Variants in NLGN1 observed in about 807,000 individuals in gnomAD.
NLGN1 encodes neuroligin-1.
In NLGN1, 12 loss-of-function variants were observed where a neutral mutation model predicts 65.5. The observed-to-expected ratio is 0.18, with a 90% CI of 0.12 to 0.30. NLGN1 has a LOEUF of 0.30. Ranked by LOEUF, NLGN1 falls within the 10% of genes least tolerant of loss-of-function variation. NLGN1 has a pLI of 1.00. For missense variants in NLGN1, 750 were observed against 1,007.1 expected, an observed-to-expected ratio of 0.74 and a Z score of 3.46; for synonymous variants, 350 against 359.5, an observed-to-expected ratio of 0.97 and a Z score of 0.30.
intron 4 of NLGN1, among the ~76,000 whole-genome samples, chr3:173,857,352 C>A (rs921114044): frequency 6.6e-6 from 1 of 152,128 alleles, no homozygotes; most frequent in African/African-American, 2.4e-5. Context: ...TCCCTCTATG[C>A]TGTAAATATC....
chr3:173,634,463 CT>C (rs1756258005), intron 3 of NLGN1, among the ~76,000 whole-genome samples: 1 of 151,904 alleles, frequency 6.6e-6, no homozygotes, highest in South Asian at 2.1e-4. Flanking sequence ...ACATAATTTA[CT>C]TTTTTACAAA....
intron 4 of NLGN1, among the ~76,000 whole-genome samples, chr3:173,977,494 G>A (rs1305325494): frequency 3.9e-5 from 6 of 151,986 alleles, no homozygotes; most frequent in South Asian, 2.1e-4. Flanking sequence ...TGTACAATAC[G>A]TTAAGGAGTT....
intron 4 of NLGN1, among the ~76,000 whole-genome samples, chr3:174,031,624 T>C (rs1730044672): frequency 6.6e-6 from 1 of 152,150 alleles, no homozygotes; most frequent in Admixed American, 6.5e-5. Context: ...TTAAGACCTC[T>C]TAAAAATTTT....
intron 3 of NLGN1, among the ~76,000 whole-genome samples, chr3:173,642,670 T>G (rs1757602453): frequency 6.6e-6 from 1 of 152,158 alleles, no homozygotes; most frequent in African/African-American, 2.4e-5. Flanking sequence ...TTAACACTTC[T>G]TAAAGCAAGA....
intron 3 of NLGN1, among the ~76,000 whole-genome samples, chr3:173,661,413 T>C (rs954683548): frequency 1.3e-5 from 2 of 151,974 alleles, no homozygotes; most frequent in Non-Finnish European, 2.9e-5. Flanking sequence ...TGGATTTGAC[T>C]GTACATCTGT....
chr3:173,538,093 G>A (rs1477168949), intron 2 of NLGN1, among the ~76,000 whole-genome samples: 1 of 152,300 alleles, frequency 6.6e-6, no homozygotes, highest in Non-Finnish European at 1.5e-5. Context: ...AAGCAAAAAT[G>A]TTGTAAGTGG....
chr3:174,006,532 C>T (rs1579718085), intron 4 of NLGN1, among the ~76,000 whole-genome samples: 2 of 152,056 alleles, frequency 1.3e-5, no homozygotes, highest in African/African-American at 4.8e-5. Context: ...AATCAGAGCT[C>T]GAATTCTCTG....
intron 4 of NLGN1, among the ~76,000 whole-genome samples, chr3:174,150,627 A>G (rs1367347691): frequency 6.6e-6 from 1 of 152,156 alleles, no homozygotes; most frequent in Non-Finnish European, 1.5e-5. Flanking sequence ...ATAAGAAACC[A>G]TATGAATACT....
In NLGN1 at chr3:174,152,699, T is replaced by C. The variant is rs143450703; in HGVS notation, c.647-122616T>C. 4.7e-3 allele frequency among the ~76,000 whole-genome samples: 709 copies of C among 152,124 alleles called. 4 individuals carry two copies. The highest frequency in any genetic ancestry group is 0.017 in the African/African-American group (688 of 41,542). On this transcript the variant is annotated intron_variant, in intron 4 of 6. Transcript: ENST00000457714. The stretch of plus-strand genomic sequence containing the variant: ...AATAGTACTTTGCTTATTAAACATA[T>C]TAGGTTTAAAGGACATATCATTTAG...
intron 2 of NLGN1, among the ~76,000 whole-genome samples, chr3:173,515,660 G>T (rs145695131): frequency 2.0e-5 from 3 of 152,042 alleles, no homozygotes; most frequent in South Asian, 2.1e-4. Context: ...GTTGATTTTT[G>T]TGTGATAGAA....
intron 4 of NLGN1, among the ~76,000 whole-genome samples, chr3:174,274,074 AAG>A (rs138414143): frequency 0.031 from 4,700 of 151,782 alleles, 195 homozygotes; most frequent in African/African-American, 0.092. Context: ...AGTCTCCAAT[AAG>A]AGAGAATGAA....
intron 4 of NLGN1, among the ~76,000 whole-genome samples, chr3:173,884,369 C>CT (rs1302189924): frequency 6.6e-6 from 1 of 152,058 alleles, no homozygotes; most frequent in African/African-American, 2.4e-5. Flanking sequence ...CAGTGTTATC[C>CT]TTATGTGCTA....
At chr3:174,048,107 A>G (rs1367762199) in intron 4 of NLGN1, among the ~76,000 whole-genome samples, 3 of 152,124 alleles carry the variant, frequency 2.0e-5, no homozygotes, top group Admixed American at 6.6e-5. Flanking sequence ...ATTGTTTTCT[A>G]TCTAACCTCA....
chr3:173,443,138 C>A (rs893771428), intron 2 of NLGN1, among the ~76,000 whole-genome samples: 1 of 151,706 alleles, frequency 6.6e-6, no homozygotes, highest in Non-Finnish European at 1.5e-5. Flanking sequence ...ACTAGGAAGA[C>A]TGAGGTGGGA....
intron 3 of NLGN1, among the ~76,000 whole-genome samples, chr3:173,688,364 G>A (rs1577957665): frequency 6.6e-6 from 1 of 152,298 alleles, no homozygotes; most frequent in Non-Finnish European, 1.5e-5. Context: ...GTTTCAGTAA[G>A]CTTACACAAA....
At chr3:174,129,579 T>C (rs771554935) in intron 4 of NLGN1, among the ~76,000 whole-genome samples, 11 of 152,224 alleles carry the variant, frequency 7.2e-5, no homozygotes, top group Non-Finnish European at 1.5e-5. Flanking sequence ...TTAGATTTTT[T>C]TGAGGGCGTT....
intron 4 of NLGN1, among the ~76,000 whole-genome samples, chr3:174,056,544 T>TCATAAGTAAGTAGATGAATA (rs1736128144): frequency 2.0e-5 from 3 of 152,004 alleles, no homozygotes; most frequent in African/African-American, 7.2e-5. Context: ...TGGAGCAGGT[T>TCATAAGTAAGTAGATGAATA]TTACTTTCAG....
intron 4 of NLGN1, among the ~76,000 whole-genome samples, chr3:174,101,729 TAATA>T (rs572359300): frequency 1.8e-4 from 28 of 152,294 alleles, no homozygotes; most frequent in African/African-American, 5.8e-4. Flanking sequence ...TATAGATTCA[TAATA>T]AATAGTTATC....
chr3:173,510,408 T>C (rs1291366940), intron 2 of NLGN1, among the ~76,000 whole-genome samples: 1 of 152,216 alleles, frequency 6.6e-6, no homozygotes, highest in Non-Finnish European at 1.5e-5. Context: ...AGTATCTTCC[T>C]AGTATGTCAT....
Sources: allele counts gnomAD v4.1 joint callset (sites outside exome capture counted in the v4.1 genomes callset), GRCh38; gene constraint gnomAD v4.1.1; transcripts MANE v1.5; gene names NCBI Gene and HGNC (gene_info 2026-07-23, HGNC 2026-07-21).